Variants in FNDC1 observed in about 807,000 individuals in gnomAD.
FNDC1 encodes the protein fibronectin type III domain-containing protein 1.
Under a neutral mutation model 168.0 loss-of-function variants are expected in FNDC1, and 96 were observed. That is an observed-to-expected ratio of 0.57 (90% CI 0.48 to 0.68). The LOEUF is 0.68. Ranked by LOEUF, FNDC1 falls within the 30% of genes least tolerant of loss-of-function variation. The pLI, the probability that FNDC1 is intolerant of heterozygous loss-of-function variation, is 0.00. For synonymous variants in FNDC1, 1,099 were observed against 1,025.9 expected (o/e 1.07, Z -1.36); for missense variants, 2,587 against 2,482.1 (o/e 1.04, Z -0.90).
chr6:159,214,360 A>T (rs1782667737), intron 4 of FNDC1, among the ~76,000 whole-genome samples: 1 of 152,230 alleles, frequency 6.6e-6, no homozygotes, highest in Non-Finnish European at 1.5e-5. Context: ...TTAATGTAGC[A>T]AGTAAAAAAA....
intron 10 of FNDC1, among the ~76,000 whole-genome samples, chr6:159,231,151 G>A (rs1783074983): frequency 1.2e-5 from 1 of 85,180 alleles, no homozygotes; most frequent in Non-Finnish European, 3.6e-5. Context: ...CGAGGCGGGT[G>A]GATCATGAGG....
chr6:159,247,753 C>T (rs952055890), intron 15 of FNDC1, among the ~76,000 whole-genome samples: 5 of 151,200 alleles, frequency 3.3e-5, no homozygotes, highest in Admixed American at 1.3e-4. Context: ...AAAAAAAACA[C>T]TTTTTTTTTA....
rs1208767064 is a variant in FNDC1 at position 159,269,550 on chromosome 6, CCAT to C, written c.5569+1626_5569+1628del. Among the ~76,000 whole-genome samples the C allele has an allele frequency of 1.9e-4, 29 of 151,176 alleles. No individual in the cohort carries two copies. The East Asian group carries it at 4.5e-3, about 23-fold the overall frequency. On this transcript the variant is annotated intron_variant, in intron 22 of 22. Transcript: ENST00000297267. ...TCCATCCATCCATCCATCCATCCAT[CCAT>C]CCATCCATCCATCCATCTATCCTAT...
chr6:159,204,331 C>T (rs1782441056), intron 4 of FNDC1, among the ~76,000 whole-genome samples: 1 of 152,266 alleles, frequency 6.6e-6, no homozygotes, highest in African/African-American at 2.4e-5. Context: ...ATTCTCACCT[C>T]CTGGCTCTAA....
chr6:159,255,561 T>A (rs542167514), intron 17 of FNDC1, among the ~76,000 whole-genome samples: 1 of 152,334 alleles, frequency 6.6e-6, no homozygotes, highest in African/African-American at 2.4e-5. Flanking sequence ...TAGTATAATG[T>A]CTGGCAAATA....
intron 10 of FNDC1, among the ~76,000 whole-genome samples, chr6:159,231,413 G>A (rs823903): frequency 0.12 from 4,444 of 35,722 alleles, 963 homozygotes; most frequent in Middle Eastern, 0.36. Context: ...TTGGTTGCTC[G>A]TCACACATTC....
At chr6:159,206,615 T>C (rs1014358251) in intron 4 of FNDC1, among the ~76,000 whole-genome samples, 2 of 152,184 alleles carry the variant, frequency 1.3e-5, no homozygotes, top group East Asian at 3.8e-4. Context: ...TGTGAGAAGA[T>C]TGGGGTCACC....
intron 22 of FNDC1, among the ~76,000 whole-genome samples, chr6:159,269,246 T>C (rs866358374): frequency 0.019 from 1,951 of 103,188 alleles, 47 homozygotes; most frequent in African/African-American, 0.061. Flanking sequence ...TCTATCTATC[T>C]ATCCATCTAT....
At chr6:159,184,828 T>C (rs1009608759) in intron 1 of FNDC1, among the ~76,000 whole-genome samples, 1 of 152,110 alleles carries the variant, frequency 6.6e-6, no homozygotes, top group Admixed American at 6.6e-5. Context: ...AAACTATTTC[T>C]TGGTTACAAA....
Position 159,236,340 on chromosome 6 carries a change from C to G in FNDC1, c.4068+25C>G, listed in dbSNP as rs959967938. 9 of 1,509,764 alleles carry G rather than the reference C, an allele frequency of 6.0e-6. No homozygotes were observed. In the African/African-American group the frequency reaches 1.1e-4, roughly 18 times the overall value. The allele number at this position is 1,509,764 out of a possible 1,614,324, so 93.5% of individuals were successfully genotyped here. ...GGTAGGGTAAACTTCTTTACACATC[C>G]CCGTTGTTTTCATGCTGTTGAGAAG... On this transcript the variant is annotated intron_variant, in intron 12 of 22. Transcript: ENST00000297267.
chr6:159,262,054 C>T (rs1413623552), intron 19 of FNDC1, among the ~76,000 whole-genome samples: 1 of 152,168 alleles, frequency 6.6e-6, no homozygotes. Flanking sequence ...CTGTAGTGAG[C>T]CATGATCATG....
intron 3 of FNDC1, 118 bp downstream of exon 3, chr6:159,200,200 A>C: frequency 1.3e-6 from 1 of 786,624 alleles, no homozygotes. Context: ...TTGAACAAGA[A>C]CTTTTTAGAC....
chr6:159,242,207 T>C (rs558785141), intron 14 of FNDC1, among the ~76,000 whole-genome samples: 3 of 152,176 alleles, frequency 2.0e-5, no homozygotes, highest in Non-Finnish European at 4.4e-5. Flanking sequence ...CTGGAAGCCA[T>C]TGTCCTCACC....
intron 17 of FNDC1, among the ~76,000 whole-genome samples, chr6:159,251,901 C>G (rs1044338967): frequency 2.0e-5 from 3 of 152,192 alleles, no homozygotes; most frequent in Non-Finnish European, 2.9e-5. Context: ...CAGCTAGCTC[C>G]TTGCAGGATC....
Position 159,251,383 on chromosome 6 carries a change from G to C in FNDC1, c.4916G>C (p.Ser1639Thr), listed in dbSNP as rs1777260080. 2 of 1,613,854 alleles carry C rather than the reference G, an allele frequency of 1.2e-6. No homozygotes were observed. Among genetic ancestry groups the C allele is most frequent in the Non-Finnish European group, 1.7e-6 (2 of 1,179,884 alleles). The change falls in exon 17 of 23, where the codon AGC becomes ACC. Residue 1639 changes from serine to threonine, a missense_variant. Transcript: ENST00000297267. ...GCACTGGATCACTTCCAAGTGGACA[G>C]CCTGGATGAAATCATCCCCAATGAC... ...TDALDHFQVDSLDEIIPNDLK... is the reference protein window; with the variant it reads ...TDALDHFQVDTLDEIIPNDLK...
At chr6:159,222,817 T>C (rs1782858483) in intron 6 of FNDC1, among the ~76,000 whole-genome samples, 1 of 152,174 alleles carries the variant, frequency 6.6e-6, no homozygotes, top group South Asian at 2.1e-4. Flanking sequence ...TGAGCTTTCC[T>C]TCTCCTAAAC....
At chr6:159,170,447 A>G (rs80173111) in intron 1 of FNDC1, among the ~76,000 whole-genome samples, 1,571 of 152,342 alleles carry the variant, frequency 0.01, 20 homozygotes, top group African/African-American at 0.035. Context: ...CGCTCCTGTC[A>G]GATTTCTTGC....
intron 22 of FNDC1, among the ~76,000 whole-genome samples, chr6:159,269,296 C>CTATCTATCTATA (rs1562315853): frequency 8.0e-6 from 1 of 125,414 alleles, no homozygotes; most frequent in African/African-American, 2.7e-5. Flanking sequence ...ATCTATCCAT[C>CTATCTATCTATA]CATCCATCTA....
At position 159,171,691 on chromosome 6, in the gene FNDC1, C is replaced by A. The variant is rs757764355; in HGVS notation, c.109+1986C>A. 1.2e-4 allele frequency among the ~76,000 whole-genome samples: 18 copies of A among 152,314 alleles called. No homozygotes were observed. In the East Asian group the frequency reaches 3.1e-3, roughly 26 times the overall value. On this transcript the variant is annotated intron_variant, in intron 1 of 22. Transcript: ENST00000297267. ...CAGTGTCCCCTCCTCCACTCATATT[C>A]ATCCCTACAATAGGATACTATGCAA...
Sources: gnomAD v4.1 joint callset for allele counts (sites outside exome capture counted in the v4.1 genomes callset) on GRCh38, gnomAD v4.1.1 for gene constraint, MANE v1.5 for transcripts, NCBI Gene and HGNC (gene_info 2026-07-23, HGNC 2026-07-21) for gene names.